Variants in L3MBTL4 observed in about 807,000 individuals in gnomAD.
The protein encoded by L3MBTL4 is lethal(3)malignant brain tumor-like protein 4.
L3MBTL4 carries 70 observed loss-of-function variants against 84.5 expected under a neutral mutation model. That is an observed-to-expected ratio of 0.83 (90% confidence interval 0.68 to 1.01). L3MBTL4 has a LOEUF of 1.01. Among genes scored for constraint, L3MBTL4 ranks in the 50% least tolerant of loss-of-function variants. The probability of loss-of-function intolerance (pLI) is 0.00; values close to 1 mark genes in which losing one functional copy is unlikely to be tolerated. For synonymous variants in L3MBTL4, 274 were observed against 259.8 expected (o/e 1.05, Z -0.52); for missense variants, 715 against 754.8 (o/e 0.95, Z 0.62).
chr18:6,109,933 TG>T (rs66618348), intron 14 of L3MBTL4, among the ~76,000 whole-genome samples: 42,011 of 151,978 alleles, frequency 0.28, 6,318 homozygotes, highest in East Asian at 0.51. Flanking sequence ...CCACGTGCAC[TG>T]GGGCTGATAG....
At chr18:6,014,773 A>T (rs1429809709) in intron 16 of L3MBTL4, among the ~76,000 whole-genome samples, 1 of 152,146 alleles carries the variant, frequency 6.6e-6, no homozygotes, top group Non-Finnish European at 1.5e-5. Flanking sequence ...ATATTGGGGA[A>T]ACTTTGGCGA....
At chr18:6,170,488 A>C (rs2043914663) in intron 13 of L3MBTL4, among the ~76,000 whole-genome samples, 2 of 152,104 alleles carry the variant, frequency 1.3e-5, no homozygotes, top group Admixed American at 6.6e-5. Flanking sequence ...GCAACTTAGG[A>C]AGCAAACGGT....
Position 6,239,867 on chromosome 18 carries a change from C to A in L3MBTL4, c.558G>T (p.Gly186=). ...KKLFRNRSPN[G]PMSKEFQVGM... is the part of the protein sequence containing the mutation. ...CAACCTGAAATTCTTTAGACATTGG[C>A]CCATTCTAACGCAGCACCAGCAGGG... is the stretch of plus-strand genomic sequence containing the variant. The change falls in exon 9 of 19, where the codon GGG becomes GGT. Residue 186 remains glycine (G), a synonymous_variant. Coordinates refer to ENST00000317931, the MANE Select transcript of L3MBTL4 (RefSeq NM_001330559.2). 1 of 1,614,074 alleles carries A rather than the reference C, an allele frequency of 6.2e-7. No individual in the cohort carries two copies. Among genetic ancestry groups the A allele is most frequent in the Non-Finnish European group, 8.5e-7 (1 of 1,180,002 alleles).
chr18:6,027,316 A>C (rs1040937616), intron 16 of L3MBTL4, among the ~76,000 whole-genome samples: 3 of 152,104 alleles, frequency 2.0e-5, no homozygotes, highest in Admixed American at 6.5e-5. Flanking sequence ...TTAGTTTGCT[A>C]AGAATAATGG....
intron 16 of L3MBTL4, among the ~76,000 whole-genome samples, chr18:5,993,836 C>T (rs980787515): frequency 6.6e-6 from 1 of 152,038 alleles, no homozygotes; most frequent in Non-Finnish European, 1.5e-5. Flanking sequence ...ATTCAAATGG[C>T]ACAGGAATGG....
chr18:6,317,264 A>AAC (rs1178143561), intron 1 of L3MBTL4, among the ~76,000 whole-genome samples: 1 of 152,164 alleles, frequency 6.6e-6, no homozygotes, highest in African/African-American at 2.4e-5. Flanking sequence ...CATCCTTCTG[A>AAC]AATACCAGAT....
At chr18:6,296,194 TG>T (rs2146767171) in intron 4 of L3MBTL4, among the ~76,000 whole-genome samples, 2 of 152,328 alleles carry the variant, frequency 1.3e-5, no homozygotes, top group South Asian at 4.1e-4. Flanking sequence ...GAGTCACCTT[TG>T]AAGCTTCTAG....
intron 14 of L3MBTL4, among the ~76,000 whole-genome samples, chr18:6,132,937 A>G (rs1355727663): frequency 1.3e-5 from 2 of 152,184 alleles, no homozygotes; most frequent in Non-Finnish European, 2.9e-5. Flanking sequence ...TGCTACCTTA[A>G]AAAGCAGTCC....
intron 4 of L3MBTL4, among the ~76,000 whole-genome samples, chr18:6,284,695 C>T (rs2049484105): frequency 1.3e-5 from 2 of 152,056 alleles, no homozygotes; most frequent in African/African-American, 4.8e-5. Flanking sequence ...CTCATCCTCT[C>T]GGCCTTCTCC....
At chr18:6,042,001 G>A (rs2056423624) in intron 16 of L3MBTL4, among the ~76,000 whole-genome samples, 1 of 152,122 alleles carries the variant, frequency 6.6e-6, no homozygotes, top group Admixed American at 6.5e-5. Flanking sequence ...GGGATTATGG[G>A]CATGAACTAC....
chr18:6,368,147 GC>G (rs1249392765), intron 1 of L3MBTL4, among the ~76,000 whole-genome samples: 1 of 151,880 alleles, frequency 6.6e-6, no homozygotes, highest in African/African-American at 2.4e-5. Flanking sequence ...CAATGGTAGC[GC>G]CATCTTCCCT....
intron 14 of L3MBTL4, among the ~76,000 whole-genome samples, chr18:6,095,345 G>C (rs892150388): frequency 3.3e-5 from 4 of 122,954 alleles, no homozygotes; most frequent in African/African-American, 1.7e-4. Context: ...AGGGGAACAT[G>C]GTTTTTTTTT....
At chr18:6,311,891 A>G in intron 2 of L3MBTL4, 107 bp downstream of exon 2, 1 of 335,116 alleles carries the variant, frequency 3.0e-6, no homozygotes, top group Non-Finnish European at 5.6e-6. Context: ...GGGAAAATAG[A>G]TATTATTGCT....
chr18:6,311,776 G>A, intron 2 of L3MBTL4, 120 bp from the exon 3 acceptor site: 1 of 626,828 alleles, frequency 1.6e-6, no homozygotes, highest in Non-Finnish European at 2.9e-6. Flanking sequence ...TAAATAACCT[G>A]ATAAGTTGAC....
At chr18:6,176,257 T>TA (rs1283639646) in intron 12 of L3MBTL4, among the ~76,000 whole-genome samples, 4 of 151,964 alleles carry the variant, frequency 2.6e-5, no homozygotes, top group African/African-American at 4.8e-5. Context: ...AACAATTTTG[T>TA]AAAAAAAATT....
chr18:5,962,516 G>GCCTTGGCACTCCT (rs1423598639), intron 17 of L3MBTL4, among the ~76,000 whole-genome samples: 5 of 152,170 alleles, frequency 3.3e-5, no homozygotes, highest in African/African-American at 1.2e-4. Flanking sequence ...GCAGCGGGGA[G>GCCTTGGCACTCCT]CCCTGAGCCT....
intron 16 of L3MBTL4, among the ~76,000 whole-genome samples, chr18:5,984,042 G>A (rs1015225773): frequency 1.3e-5 from 2 of 152,138 alleles, no homozygotes; most frequent in African/African-American, 4.8e-5. Context: ...CTCCCAAGTA[G>A]CTGGGACTAC....
intron 10 of L3MBTL4, among the ~76,000 whole-genome samples, chr18:6,235,358 C>A (rs1269415871): frequency 6.6e-6 from 1 of 152,012 alleles, no homozygotes; most frequent in East Asian, 1.9e-4. Flanking sequence ...AGACGTATGT[C>A]CACAGAGAAA....
At chr18:5,980,925 G>A (rs1296394568) in intron 16 of L3MBTL4, among the ~76,000 whole-genome samples, 2 of 152,156 alleles carry the variant, frequency 1.3e-5, no homozygotes, top group African/African-American at 2.4e-5. Context: ...GTTCCCTCTC[G>A]CATACACCAA....
Sources: allele counts gnomAD v4.1 joint callset (sites outside exome capture counted in the v4.1 genomes callset), GRCh38; gene constraint gnomAD v4.1.1; transcripts MANE v1.5; gene names NCBI Gene and HGNC (gene_info 2026-07-23, HGNC 2026-07-21).